Variants in PRELID2 observed in about 807,000 individuals in gnomAD.
PRELID2 encodes the protein PRELI domain containing 2.
In PRELID2, 25 loss-of-function variants were observed where a neutral mutation model predicts 28.4. The observed-to-expected ratio is 0.88, with a 90% confidence interval of 0.64 to 1.23. The LOEUF (loss-of-function observed/expected upper bound fraction) is 1.23, where lower values mean the gene tolerates loss of function less well. Ranked by LOEUF, PRELID2 falls within the 50% of genes most tolerant of loss-of-function variation. PRELID2 has a pLI of 0.00. For missense variants in PRELID2, 201 were observed against 214.4 expected (o/e 0.94, Z 0.39); for synonymous variants, 76 against 71.6 (o/e 1.06, Z -0.31).
At chr5:145,764,001 G>A (rs146041512) in intron 6 of PRELID2, among the ~76,000 whole-genome samples, 53 of 152,154 alleles carry the variant, frequency 3.5e-4, no homozygotes, top group Middle Eastern at 3.4e-3. Context: ...GCTTGAACCC[G>A]GGAGATGGAG....
intron 1 of PRELID2, among the ~76,000 whole-genome samples, chr5:145,508,675 A>C (rs1013941118): frequency 2.0e-5 from 3 of 152,172 alleles, no homozygotes; most frequent in African/African-American, 7.2e-5. Flanking sequence ...GTCCTGACTC[A>C]CTTGCTCCTA....
At chr5:145,576,462 A>G (rs1166324316) in intron 1 of PRELID2, among the ~76,000 whole-genome samples, 1 of 152,150 alleles carries the variant, frequency 6.6e-6, no homozygotes, top group African/African-American at 2.4e-5. Flanking sequence ...TCTTCTTTAT[A>G]GCTGAATAAT....
At chr5:145,572,967 C>G (rs187440834) in intron 1 of PRELID2, among the ~76,000 whole-genome samples, 28 of 152,284 alleles carry the variant, frequency 1.8e-4, no homozygotes, top group Admixed American at 1.5e-3. Flanking sequence ...CCAGCCCTCT[C>G]CTGGATAGTC....
intron 1 of PRELID2, among the ~76,000 whole-genome samples, chr5:145,830,364 T>A (rs930874021): frequency 6.6e-6 from 1 of 152,230 alleles, no homozygotes; most frequent in African/African-American, 2.4e-5. Context: ...AATAGCTCTC[T>A]GGATCCTTTT....
chr5:145,403,969 A>C, the PRELID2 span, among the ~76,000 whole-genome samples: 1 of 152,232 alleles, frequency 6.6e-6, no homozygotes, highest in Non-Finnish European at 1.5e-5. Flanking sequence ...TCTGGGAACA[A>C]GGTTGGTCTT....
chr5:145,553,773 T>A (rs1752857633), intron 1 of PRELID2, among the ~76,000 whole-genome samples: 1 of 152,246 alleles, frequency 6.6e-6, no homozygotes, highest in Non-Finnish European at 1.5e-5. Context: ...AACAGGTTTG[T>A]ATTTTAGAAA....
the PRELID2 span, among the ~76,000 whole-genome samples, chr5:145,357,222 T>C: frequency 6.6e-6 from 1 of 152,166 alleles, no homozygotes; most frequent in Non-Finnish European, 1.5e-5. Context: ...GTTCTGGGGA[T>C]GGTTTCTTAT....
the PRELID2 span, among the ~76,000 whole-genome samples, chr5:145,418,018 T>C: frequency 6.6e-6 from 1 of 152,204 alleles, no homozygotes; most frequent in Non-Finnish European, 1.5e-5. Context: ...CAAAATTTTC[T>C]TAAGCTGAGA....
At chr5:145,265,417 C>T in the PRELID2 span, among the ~76,000 whole-genome samples, 1 of 151,930 alleles carries the variant, frequency 6.6e-6, no homozygotes, top group Non-Finnish European at 1.5e-5. Context: ...AAATTCAGTG[C>T]AATTACCATC....
chr5:145,271,668 C>T, the PRELID2 span, among the ~76,000 whole-genome samples: 1 of 152,092 alleles, frequency 6.6e-6, no homozygotes, highest in Non-Finnish European at 1.5e-5. Context: ...TTTTGCCCTC[C>T]TTCCTGGTTT....
the PRELID2 span, among the ~76,000 whole-genome samples, chr5:145,297,327 A>G: frequency 6.6e-6 from 1 of 152,070 alleles, no homozygotes; most frequent in African/African-American, 2.4e-5. Flanking sequence ...TGGTTTTAGG[A>G]AATGTAATCC....
At chr5:145,760,863 A>G (rs1757440303) in intron 6 of PRELID2, among the ~76,000 whole-genome samples, 2 of 152,226 alleles carry the variant, frequency 1.3e-5, no homozygotes, top group Non-Finnish European at 2.9e-5. Flanking sequence ...GACAGCTGTC[A>G]GGGTTATTTG....
chr5:145,333,252 G>A, the PRELID2 span, among the ~76,000 whole-genome samples: 1 of 152,182 alleles, frequency 6.6e-6, no homozygotes, highest in African/African-American at 2.4e-5. Flanking sequence ...GGAGGTCAGG[G>A]ACCCACTTGA....
chr5:145,604,945 T>C (rs1365717401), intron 1 of PRELID2, among the ~76,000 whole-genome samples: 1 of 146,050 alleles, frequency 6.8e-6, no homozygotes, highest in Non-Finnish European at 1.5e-5. Context: ...TATATATATA[T>C]ATTATTTTGA....
chr5:145,434,670 C>A, the PRELID2 span, among the ~76,000 whole-genome samples: 38 of 152,260 alleles, frequency 2.5e-4, no homozygotes, highest in East Asian at 7.2e-3. Flanking sequence ...GCACAGTTGA[C>A]CCCATCCCAC....
the PRELID2 span, among the ~76,000 whole-genome samples, chr5:145,385,371 T>A: frequency 1.3e-5 from 2 of 152,168 alleles, no homozygotes; most frequent in African/African-American, 4.8e-5. Context: ...TATAAAATTT[T>A]TTGTCCTTCC....
At chr5:145,381,468 A>C in the PRELID2 span, 1 of 152,168 alleles carries the variant, frequency 6.6e-6, no homozygotes, top group Non-Finnish European at 1.5e-5. Context: ...CCTAAAACAA[A>C]CTTTAATTCT....
chr5:145,724,381 A>G (rs1250035975), intron 1 of PRELID2, among the ~76,000 whole-genome samples: 1 of 151,688 alleles, frequency 6.6e-6, no homozygotes, highest in Non-Finnish European at 1.5e-5. Context: ...GGTCTGAGAT[A>G]ATGAAAGGAA....
At chr5:145,377,205 A>C in the PRELID2 span, among the ~76,000 whole-genome samples, 1 of 152,216 alleles carries the variant, frequency 6.6e-6, no homozygotes, top group South Asian at 2.1e-4. Flanking sequence ...GTTTTAAGTA[A>C]ATTTATTACT....
Sources: gnomAD v4.1 joint callset for allele counts (sites outside exome capture counted in the v4.1 genomes callset) on GRCh38, gnomAD v4.1.1 for gene constraint, MANE v1.5 for transcripts, NCBI Gene and HGNC (gene_info 2026-07-23, HGNC 2026-07-21) for gene names.